PCMTD1: variants seen among roughly 807,000 people sequenced by gnomAD.
The protein encoded by PCMTD1 is protein-L-isoaspartate O-methyltransferase domain-containing protein 1.
PCMTD1 carries 12 observed loss-of-function variants against 37.6 expected under a neutral mutation model. That is an observed-to-expected ratio of 0.32 (90% CI 0.20 to 0.52). The LOEUF is 0.52. Ranked by LOEUF, PCMTD1 falls within the 20% of genes least tolerant of loss-of-function variation. PCMTD1 has a pLI of 0.97. For synonymous variants in PCMTD1, 117 were observed against 135.8 expected (o/e 0.86, Z 0.96); for missense variants, 235 against 421.3 (o/e 0.56, Z 3.87).
At chr8:51,895,054 C>G (rs1241777001) in intron 1 of PCMTD1, among the ~76,000 whole-genome samples, 2 of 152,100 alleles carry the variant, frequency 1.3e-5, no homozygotes, top group Non-Finnish European at 2.9e-5. Flanking sequence ...GAAGCCTGAG[C>G]AAAGAGGGTG....
At chr8:51,843,324 A>G (rs1288078586) in intron 3 of PCMTD1, among the ~76,000 whole-genome samples, 1 of 152,114 alleles carries the variant, frequency 6.6e-6, no homozygotes, top group African/African-American at 2.4e-5. Flanking sequence ...TACACTGAAA[A>G]GATTAGGATA....
chr8:51,848,664 A>G (rs1194906118), intron 2 of PCMTD1, among the ~76,000 whole-genome samples: 1 of 152,198 alleles, frequency 6.6e-6, no homozygotes, highest in African/African-American at 2.4e-5. Context: ...TTTAAACATA[A>G]CTTGTTTTTC....
At chr8:51,822,737 C>T (rs1218732881) in intron 5 of PCMTD1, among the ~76,000 whole-genome samples, 1 of 152,140 alleles carries the variant, frequency 6.6e-6, no homozygotes, top group Non-Finnish European at 1.5e-5. Flanking sequence ...ATGCTAATCT[C>T]ATGTCATCAG....
chr8:51,837,404 G>T (rs6983163), intron 3 of PCMTD1, among the ~76,000 whole-genome samples: 104,454 of 151,954 alleles, frequency 0.69, 42,345 homozygotes, highest in Non-Finnish European at 0.9. Flanking sequence ...AAATAAAAAT[G>T]GAAAGATATA....
intron 2 of PCMTD1, among the ~76,000 whole-genome samples, chr8:51,859,928 C>A (rs1332481164): frequency 3.9e-5 from 6 of 152,116 alleles, no homozygotes; most frequent in Non-Finnish European, 7.4e-5. Context: ...CACCCCACCC[C>A]CCTAAATAAT....
At position 51,818,720 on chromosome 8, in the gene PCMTD1, T is replaced by C. The variant is rs2037800140; in HGVS notation, c.*1631A>G. ...ACAAATACCTTCCATGAAACTGTCT[T>C]TCACATAACTAAAATATCCTCACTT... is the stretch of plus-strand genomic sequence containing the variant. On this transcript the variant is annotated 3_prime_UTR_variant, in exon 6 of 6. Coordinates refer to ENST00000522514, the MANE Select transcript of PCMTD1 (RefSeq NM_052937.4). 1 of 152,334 alleles carries C rather than the reference T, an allele frequency of 6.6e-6. No homozygotes were observed. The highest frequency in any genetic ancestry group is 1.5e-5 in the Non-Finnish European group (1 of 68,074). 9.4% of individuals were successfully genotyped at this position (152,334 alleles called of 1,614,324 possible). A position where few individuals can be genotyped will look rare whatever the true frequency, so the allele number is the denominator to read the frequency against.
chr8:51,874,151 G>A (rs1470406346), intron 1 of PCMTD1, among the ~76,000 whole-genome samples: 1 of 152,002 alleles, frequency 6.6e-6, no homozygotes, highest in African/African-American at 2.4e-5. Context: ...GCCCACCTTG[G>A]CCTGCCAAAT....
chr8:51,888,993 T>C (rs1480502034), intron 1 of PCMTD1, among the ~76,000 whole-genome samples: 3 of 152,190 alleles, frequency 2.0e-5, no homozygotes, highest in Non-Finnish European at 4.4e-5. Flanking sequence ...GACTAGATGA[T>C]TCAAATCTGC....
chr8:51,831,590 G>C, intron 4 of PCMTD1, 23 bp from the exon 5 acceptor site: 2 of 1,598,042 alleles, frequency 1.3e-6, no homozygotes, highest in Non-Finnish European at 1.7e-6. Context: ...AAAAAAGAAA[G>C]AAAGTGAACA....
In PCMTD1 at chr8:51,877,013, GA is replaced by G. The variant is rs2038722026; in HGVS notation, c.-95-15768del. ...AACAAAATAGTAACTTCACAATGGAGAAACCCAATGAATGCCATCTGAAGTA... is the reference window on the plus strand; with the variant it reads ...AACAAAATAGTAACTTCACAATGGAGAACCCAATGAATGCCATCTGAAGTA... On this transcript the variant is annotated intron_variant, in intron 1 of 5. Coordinates refer to ENST00000522514, the MANE Select transcript of PCMTD1 (RefSeq NM_052937.4). Among the ~76,000 whole-genome samples the G allele has an allele frequency of 2.0e-5, 3 of 152,286 alleles. No individual in the cohort carries two copies. In the South Asian group the frequency reaches 6.2e-4, roughly 32 times the overall value.
chr8:51,838,933 A>G (rs969128577), intron 3 of PCMTD1, among the ~76,000 whole-genome samples: 4 of 152,206 alleles, frequency 2.6e-5, no homozygotes, highest in Non-Finnish European at 5.9e-5. Flanking sequence ...AGAAGGAAAA[A>G]AATGGCAAAA....
At chr8:51,871,752 T>C (rs561847150) in intron 1 of PCMTD1, among the ~76,000 whole-genome samples, 1 of 152,360 alleles carries the variant, frequency 6.6e-6, no homozygotes, top group African/African-American at 2.4e-5. Flanking sequence ...TATAGTTTTC[T>C]ACTTTGGAAA....
At chr8:51,889,643 T>C (rs1312891146) in intron 1 of PCMTD1, among the ~76,000 whole-genome samples, 2 of 152,200 alleles carry the variant, frequency 1.3e-5, no homozygotes, top group African/African-American at 4.8e-5. Context: ...AACAATACTT[T>C]CCTACCTCTT....
chr8:51,831,872 T>C (rs1400835101), intron 4 of PCMTD1, among the ~76,000 whole-genome samples: 7 of 152,208 alleles, frequency 4.6e-5, no homozygotes, highest in Non-Finnish European at 8.8e-5. Flanking sequence ...ATACATGCCA[T>C]TGCCTTTCAA....
intron 1 of PCMTD1, among the ~76,000 whole-genome samples, chr8:51,887,574 C>A (rs1417873530): frequency 1.3e-5 from 2 of 151,724 alleles, no homozygotes; most frequent in Non-Finnish European, 2.9e-5. Context: ...CCCTGAAACT[C>A]AATTTTAAGT....
intron 1 of PCMTD1, among the ~76,000 whole-genome samples, chr8:51,896,725 G>C (rs1338978228): frequency 6.6e-6 from 1 of 152,086 alleles, no homozygotes; most frequent in African/African-American, 2.4e-5. Flanking sequence ...TATTTTAAAT[G>C]CATGTGATTA....
rs2037826629 is a variant in PCMTD1 at position 51,820,436 on chromosome 8, G to C, written c.989C>G (p.Pro330Arg). Residue 330 changes from proline to arginine, a missense_variant, in exon 6 of 6, where the codon CCT (proline) becomes CGT (arginine). By Grantham distance (103) the Pro-to-Arg change is moderately radical. This residue lies in a region of PCMTD1 where 11 missense variants were observed against 35.6 expected (regional missense o/e 0.31). Transcript: ENST00000522514. ...HNEAMKPEEP[P>R]QNLLREKIMK... Reference sequence around the variant, plus strand: ...GATTTTTTCTCTCAGTAAATTTTGAGGTGGCTCCTCTGGCTTCATTGCTTC... The same window carrying C: ...GATTTTTTCTCTCAGTAAATTTTGACGTGGCTCCTCTGGCTTCATTGCTTC... 1 of 1,612,730 alleles carries C rather than the reference G, an allele frequency of 6.2e-7. No homozygotes were observed.
At chr8:51,859,566 A>G (rs962255668) in intron 2 of PCMTD1, among the ~76,000 whole-genome samples, 15 of 152,180 alleles carry the variant, frequency 9.9e-5, no homozygotes, top group Admixed American at 9.8e-4. Flanking sequence ...CCCATGACTA[A>G]TAGAGTAAGG....
At chr8:51,888,951 C>T (rs2038901010) in intron 1 of PCMTD1, among the ~76,000 whole-genome samples, 1 of 151,992 alleles carries the variant, frequency 6.6e-6, no homozygotes, top group Admixed American at 6.5e-5. Context: ...TTTGCTCTCT[C>T]ACTGCAGTAA....
Sources: gnomAD v4.1 joint callset for allele counts (sites outside exome capture counted in the v4.1 genomes callset) on GRCh38, gnomAD v4.1.1 for gene constraint, gnomAD v4.1.1 regional missense constraint, MANE v1.5 for transcripts, NCBI Gene and HGNC (gene_info 2026-07-23, HGNC 2026-07-21) for gene names.